Variants in MVB12B observed in about 807,000 individuals in gnomAD.
MVB12B encodes the protein multivesicular body subunit 12B, also known as ESCRT-I complex subunit MVB12B.
MVB12B carries 16 observed loss-of-function variants against 41.6 expected under a neutral mutation model. The observed-to-expected ratio is 0.38, with a 90% CI of 0.26 to 0.58. MVB12B has a LOEUF of 0.58. Ranked by LOEUF, MVB12B falls within the 20% of genes least tolerant of loss-of-function variation. The probability of loss-of-function intolerance (pLI) is 0.62; values close to 1 mark genes in which losing one functional copy is unlikely to be tolerated. For synonymous variants in MVB12B, 133 were observed against 139.7 expected, an observed-to-expected ratio of 0.95 and a Z score of 0.34; for missense variants, 274 against 380.2, an observed-to-expected ratio of 0.72 and a Z score of 2.32.
intron 9 of MVB12B, among the ~76,000 whole-genome samples, chr9:126,495,239 G>T (rs931210140): frequency 6.6e-6 from 1 of 150,780 alleles, no homozygotes; most frequent in Non-Finnish European, 1.5e-5. Flanking sequence ...AAGGGAAATA[G>T]CATTTATTCA....
intron 9 of MVB12B, among the ~76,000 whole-genome samples, chr9:126,498,021 T>C (rs995297934): frequency 6.6e-6 from 1 of 152,124 alleles, no homozygotes; most frequent in Non-Finnish European, 1.5e-5. Flanking sequence ...TGAAGGCCTC[T>C]CCCGGGACTG....
At chr9:126,471,702 A>G (rs1833317757) in intron 7 of MVB12B, among the ~76,000 whole-genome samples, 1 of 152,208 alleles carries the variant, frequency 6.6e-6, no homozygotes, top group Non-Finnish European at 1.5e-5. Context: ...TACAAATTGT[A>G]AAGGACTTTT....
At chr9:126,425,387 T>G (rs976358169) in intron 7 of MVB12B, among the ~76,000 whole-genome samples, 1 of 152,234 alleles carries the variant, frequency 6.6e-6, no homozygotes, top group Admixed American at 6.5e-5. Flanking sequence ...TCATCTTTTT[T>G]TGGCCTCTTT....
At chr9:126,458,835 GA>G (rs1833036407) in intron 7 of MVB12B, among the ~76,000 whole-genome samples, 1 of 152,216 alleles carries the variant, frequency 6.6e-6, no homozygotes, top group Non-Finnish European at 1.5e-5. Context: ...GCACAAGTTA[GA>G]AATACTGTGT....
rs1056698132 is a variant in MVB12B, at chr9:126,395,008, G to C, written c.540-567G>C. ...ACAGGAGAGCTTATGCGGCGTCTGG[G>C]AGGCCCCTTGGTGTCCACTCCTAGT... is the stretch of plus-strand genomic sequence containing the variant. On this transcript the variant is annotated intron_variant, in intron 5 of 9. Coordinates refer to ENST00000361171, the MANE Select transcript of MVB12B (RefSeq NM_033446.3). The surrounding 1 kb of genome is among the most constrained non-coding windows in gnomAD (Gnocchi z 4.9). Among the ~76,000 whole-genome samples, 3 of 152,106 alleles carry C rather than the reference G, an allele frequency of 2.0e-5. No homozygotes were observed. Among genetic ancestry groups the C allele is most frequent in the Non-Finnish European group, 4.4e-5 (3 of 68,016 alleles).
At chr9:126,452,381 G>A (rs1832903167) in intron 7 of MVB12B, among the ~76,000 whole-genome samples, 1 of 152,214 alleles carries the variant, frequency 6.6e-6, no homozygotes, top group African/African-American at 2.4e-5. Context: ...CCTCAGCTCG[G>A]ACCAGCACTG....
chr9:126,469,542 C>T (rs757988186), intron 7 of MVB12B, among the ~76,000 whole-genome samples: 13 of 152,244 alleles, frequency 8.5e-5, no homozygotes, highest in Admixed American at 6.5e-4. Flanking sequence ...GGGGGACAGG[C>T]GTGCTCCGTA....
intron 7 of MVB12B, among the ~76,000 whole-genome samples, chr9:126,463,873 G>A (rs1274101274): frequency 6.6e-6 from 1 of 152,120 alleles, no homozygotes; most frequent in Non-Finnish European, 1.5e-5. Flanking sequence ...TTTATAACAA[G>A]GTTATAGCTT....
chr9:126,423,921 G>A (rs760920095), intron 7 of MVB12B, among the ~76,000 whole-genome samples: 2 of 152,216 alleles, frequency 1.3e-5, no homozygotes, highest in Non-Finnish European at 2.9e-5. Context: ...AAGGCAAAGT[G>A]TGCCCCAGGC....
intron 2 of MVB12B, among the ~76,000 whole-genome samples, chr9:126,374,538 A>G (rs530489505): frequency 6.0e-4 from 92 of 152,162 alleles, no homozygotes; most frequent in Admixed American, 3.2e-3. Flanking sequence ...TATGTGAGAC[A>G]GGGGTGGGGG....
intron 7 of MVB12B, among the ~76,000 whole-genome samples, chr9:126,425,916 C>T (rs1438939783): frequency 1.3e-5 from 2 of 152,172 alleles, no homozygotes; most frequent in East Asian, 3.9e-4. Flanking sequence ...AAGCCCATGG[C>T]CCAATCCCAT....
intron 6 of MVB12B, among the ~76,000 whole-genome samples, chr9:126,405,539 C>G (rs1030128409): frequency 2.6e-5 from 4 of 151,954 alleles, no homozygotes; most frequent in African/African-American, 9.7e-5. Flanking sequence ...TCACCTGGGT[C>G]TCTCAGTGTA....
chr9:126,389,508 G>A lies in MVB12B; in HGVS notation c.410-2558G>A, dbSNP rs1232732688. 1.3e-5 allele frequency among the ~76,000 whole-genome samples: 2 copies of A among 152,148 alleles called. No individual in the cohort carries two copies. The highest frequency in any genetic ancestry group is 2.1e-4 in the South Asian group (1 of 4,828). ...CATTTCTATTGACTATGTATAATAT[G>A]TTTACTTAAAATTAGGCCTGCTTAA... On this transcript the variant is annotated intron_variant, in intron 4 of 9. Transcript: ENST00000361171. This position sits in a 1 kb window ranked among gnomAD's most constrained non-coding sequence, Gnocchi z 4.4.
At chr9:126,343,426 T>C (rs748498100) in intron 2 of MVB12B, among the ~76,000 whole-genome samples, 15 of 152,212 alleles carry the variant, frequency 9.9e-5, no homozygotes, top group Non-Finnish European at 1.6e-4. Context: ...TGGTCAGTTT[T>C]CGAAGAATTG....
chr9:126,417,994 A>T (rs1831874708), intron 6 of MVB12B, among the ~76,000 whole-genome samples: 1 of 152,172 alleles, frequency 6.6e-6, no homozygotes, highest in Non-Finnish European at 1.5e-5. Flanking sequence ...GAGATTAACA[A>T]GACTTCCACT....
At chr9:126,353,972 A>G (rs1829817003) in intron 2 of MVB12B, among the ~76,000 whole-genome samples, 1 of 152,214 alleles carries the variant, frequency 6.6e-6, no homozygotes, top group Admixed American at 6.5e-5. Flanking sequence ...AGTAAACAGT[A>G]TATCCAAATA....
Position 126,339,637 on chromosome 9 carries a change from T to A in MVB12B, c.82-871T>A, listed in dbSNP as rs1829382659. Among the ~76,000 whole-genome samples the A allele has an allele frequency of 2.6e-5, 4 of 152,272 alleles. No individual in the cohort carries two copies. In the South Asian group the frequency reaches 8.3e-4, roughly 32 times the overall value. On this transcript the variant is annotated intron_variant, in intron 1 of 9. Transcript: ENST00000361171. ...GCAAGAATTATGATCATTGTTAGTA[T>A]TTGGCTTTGAGTAAGTGCCCACATG...
chr9:126,410,188 C>T (rs923298131), intron 6 of MVB12B, among the ~76,000 whole-genome samples: 1 of 151,334 alleles, frequency 6.6e-6, no homozygotes, highest in Non-Finnish European at 1.5e-5. Context: ...CATGCACGCG[C>T]ATGCATGCAT....
chr9:126,465,490 G>A (rs1289878193), intron 7 of MVB12B, among the ~76,000 whole-genome samples: 2 of 152,128 alleles, frequency 1.3e-5, no homozygotes, highest in Non-Finnish European at 2.9e-5. Context: ...TCAGATGGGG[G>A]CACAGACTTC....
Sources: gnomAD v4.1 joint callset for allele counts (sites outside exome capture counted in the v4.1 genomes callset) on GRCh38, gnomAD v4.1.1 for gene constraint, Gnocchi (gnomAD v3.1) non-coding constraint, MANE v1.5 for transcripts, NCBI Gene and HGNC (gene_info 2026-07-23, HGNC 2026-07-21) for gene names.